TCOF1: variants seen among roughly 807,000 people sequenced by gnomAD.
TCOF1 encodes treacle ribosome biogenesis factor 1.
A neutral mutation model predicts 149.0 loss-of-function variants in TCOF1; 33 were observed. The ratio of observed to expected loss-of-function variants is 0.22; its 90% CI spans 0.17 to 0.30. TCOF1 has a LOEUF of 0.30. Ranked by LOEUF, TCOF1 falls within the 10% of genes least tolerant of loss-of-function variation. The pLI, the probability that TCOF1 is intolerant of heterozygous loss-of-function variation, is 1.00. For synonymous variants in TCOF1, 789 were observed against 738.8 expected, an observed-to-expected ratio of 1.07 and a Z score of -1.10; for missense variants, 1,728 against 1,840.7, an observed-to-expected ratio of 0.94 and a Z score of 1.12.
In TCOF1 at chr5:150,375,074, C is replaced by T; in HGVS notation, c.1399C>T (p.Gln467Ter). The T allele has an allele frequency of 6.2e-7, 1 of 1,614,114 alleles. No individual in the cohort carries two copies. The highest frequency in any genetic ancestry group is 8.5e-7 in the Non-Finnish European group (1 of 1,180,028). Residue 467 changes from glutamine to a stop codon, truncating the protein, a stop_gained, in exon 10 of 27, where the codon CAG becomes TAG. Transcript: ENST00000643257. LOFTEE classifies it high-confidence loss of function. ...RKTGPAAAQV[Q>*]VGKQEEDSRS... ...AACAGGGCCTGCAGCCGCCCAGGTC[C>T]AGGTGGGGAAGCAGGAGGAGGACTC...
intron 17 of TCOF1, chr5:150,384,675 G>GTC (rs10638110): frequency 0.61 from 598,008 of 985,090 alleles, 182,265 homozygotes; most frequent in African/African-American, 0.67. Flanking sequence ...AGATTCTGGA[G>GTC]TCTATTTAAA....
At chr5:150,387,760 G>A in intron 17 of TCOF1, 142 bp from the exon 18 acceptor site, 1 of 1,145,510 alleles carries the variant, frequency 8.7e-7, no homozygotes, top group Non-Finnish European at 1.3e-6. Context: ...GGGCACCCTG[G>A]GCAGCTGGAA....
chr5:150,392,984 A>G (rs1767752364), intron 22 of TCOF1, 194 bp downstream of exon 22: 2 of 688,416 alleles, frequency 2.9e-6, no homozygotes, highest in African/African-American at 1.8e-5. Flanking sequence ...CCGTCCCCTC[A>G]TAGAGCCCTG....
chr5:150,387,459 T>C (rs1173127568), intron 17 of TCOF1, among the ~76,000 whole-genome samples: 1 of 152,180 alleles, frequency 6.6e-6, no homozygotes, highest in Non-Finnish European at 1.5e-5. Context: ...GAATTGCATA[T>C]TCCAACCAGG....
intron 5 of TCOF1, among the ~76,000 whole-genome samples, 186 bp from the exon 6 acceptor site, chr5:150,369,343 G>A (rs962827649): frequency 6.6e-6 from 1 of 152,214 alleles, no homozygotes; most frequent in African/African-American, 2.4e-5. Context: ...AGATGTGTGG[G>A]AACATAGGGA....
chr5:150,367,899 C>G lies in TCOF1; in HGVS notation c.360C>G (p.Ser120Arg). Residue 120 changes from serine to arginine, a missense_variant, in exon 4 of 27, where the codon AGC (serine) becomes AGG (arginine). Physicochemically the swap from Ser to Arg is moderately radical, Grantham distance 110 (BLOSUM62 -1). Around this residue, in one of 2 missense-constraint regions of TCOF1, gnomAD observed 1,696 missense variants for 1,765.4 expected, o/e 0.96. Coordinates refer to ENST00000643257, the MANE Select transcript of TCOF1 (RefSeq NM_001371623.1). ...TCCTGGGGGCGGACTTGCCATCAAG[C>G]ATGAAAGAAAAAGCCAAGGTGAGTG... Reference protein sequence around the residue: ...SSVLGADLPSSMKEKAKAETE... With the variant: ...SSVLGADLPSRMKEKAKAETE... 6.2e-7 allele frequency: 1 copy of G among 1,614,156 alleles called. No homozygotes were observed. Among genetic ancestry groups the G allele is most frequent in the South Asian group, 1.1e-5 (1 of 91,084 alleles).
intron 14 of TCOF1, among the ~76,000 whole-genome samples, chr5:150,377,991 A>G (rs997288201): frequency 6.6e-6 from 1 of 152,220 alleles, no homozygotes; most frequent in Non-Finnish European, 1.5e-5. Context: ...TGTTAGGTCA[A>G]GTCAGTCTTG....
At chr5:150,390,407 A>G (rs1206216769) in intron 19 of TCOF1, among the ~76,000 whole-genome samples, 6 of 152,040 alleles carry the variant, frequency 3.9e-5, no homozygotes, top group African/African-American at 1.5e-4. Flanking sequence ...TCTTCAGTGC[A>G]TTTTTATTTG....
At chr5:150,362,329 G>C (rs1296418987) in intron 2 of TCOF1, among the ~76,000 whole-genome samples, 1 of 152,192 alleles carries the variant, frequency 6.6e-6, no homozygotes, top group Non-Finnish European at 1.5e-5. Context: ...TTCTCTTCAT[G>C]CACTGGCCTG....
Position 150,393,358 on chromosome 5 carries a change from A to G in TCOF1, c.3604-14A>G, listed in dbSNP as rs373075669. Reference sequence around the variant, plus strand: ...TGGGGTGGTGGCAGCCTCTTTCACAATGGGCTTCTTCAGTCTCTCCTCTCA... The same window carrying G: ...TGGGGTGGTGGCAGCCTCTTTCACAGTGGGCTTCTTCAGTCTCTCCTCTCA... On this transcript the variant is annotated splice_polypyrimidine_tract_variant and intron_variant, in intron 22 of 26. Transcript: ENST00000643257. The G allele has an allele frequency of 1.4e-4, 225 of 1,613,630 alleles. No homozygotes were observed. The African/African-American group carries it at 2.5e-3, about 18-fold the overall frequency.
At chr5:150,397,080 A>T (rs1768706223) in intron 24 of TCOF1, among the ~76,000 whole-genome samples, 1 of 141,206 alleles carries the variant, frequency 7.1e-6, no homozygotes, top group Non-Finnish European at 1.5e-5. Flanking sequence ...AATTGTTTGA[A>T]CCCGGGAGGC....
intron 1 of TCOF1, among the ~76,000 whole-genome samples, chr5:150,358,133 C>T (rs1481151412): frequency 1.3e-5 from 2 of 152,214 alleles, no homozygotes; most frequent in African/African-American, 4.8e-5. Context: ...CTTACCTCCA[C>T]GCCCTTCCTG....
In TCOF1 at chr5:150,364,297, G is replaced by A. The variant is rs372411419; in HGVS notation, c.304+45G>A. 1.1e-4 allele frequency: 184 copies of A among 1,613,028 alleles called. No individual in the cohort carries two copies. The African/African-American group carries it at 2.3e-3, about 20-fold the overall frequency. On this transcript the variant is annotated intron_variant, in intron 3 of 26. Coordinates refer to ENST00000643257, the MANE Select transcript of TCOF1 (RefSeq NM_001371623.1). ...GGGAACAGGCTATGGAATATTGATTGTTCTAGGGTAGAGTCTACCTCCAGC... is the reference window on the plus strand; with the variant it reads ...GGGAACAGGCTATGGAATATTGATTATTCTAGGGTAGAGTCTACCTCCAGC...
chr5:150,367,762 G>C (rs1321252500), intron 3 of TCOF1, 82 bp from the exon 4 acceptor site: 1 of 1,515,320 alleles, frequency 6.6e-7, no homozygotes. Flanking sequence ...CAATAGAATT[G>C]TTAGGTGAGA....
At chr5:150,398,728 G>A (rs1483138392) in intron 25 of TCOF1, among the ~76,000 whole-genome samples, 1 of 152,274 alleles carries the variant, frequency 6.6e-6, no homozygotes, top group Non-Finnish European at 1.5e-5. Flanking sequence ...GTTTCCAGGT[G>A]AAAGGAAACG....
At chr5:150,393,585 G>A in intron 23 of TCOF1, 33 bp downstream of exon 23, 1 of 1,613,870 alleles carries the variant, frequency 6.2e-7, no homozygotes, top group Non-Finnish European at 8.5e-7. Flanking sequence ...GACATAGCAG[G>A]ACACAGAGGG....
intron 17 of TCOF1, among the ~76,000 whole-genome samples, chr5:150,385,500 A>G (rs1766094331): frequency 2.0e-5 from 3 of 152,158 alleles, no homozygotes; most frequent in Admixed American, 2.0e-4. Context: ...CAGAGAGTAG[A>G]ATTTCTCAGT....
At chr5:150,385,125 A>G in intron 17 of TCOF1, 1 of 971,198 alleles carries the variant, frequency 1.0e-6, no homozygotes. Flanking sequence ...ATGTGTATCA[A>G]AACATCATGT....
chr5:150,393,758 A>G, intron 23 of TCOF1: 2 of 673,744 alleles, frequency 3.0e-6, no homozygotes, highest in South Asian at 3.7e-5. Flanking sequence ...TCATGCCCAT[A>G]ATCCCAGCAC....
Sources: gnomAD v4.1 joint callset for allele counts (sites outside exome capture counted in the v4.1 genomes callset) on GRCh38, gnomAD v4.1.1 for gene constraint, gnomAD v4.1.1 regional missense constraint, MANE v1.5 for transcripts, NCBI Gene and HGNC (gene_info 2026-07-23, HGNC 2026-07-21) for gene names.